ERC2: variants seen among roughly 807,000 people sequenced by gnomAD.
The protein encoded by ERC2 is ERC protein 2.
Under a neutral mutation model 114.8 loss-of-function variants are expected in ERC2, and 42 were observed. The observed-to-expected ratio is 0.37, with a 90% CI of 0.29 to 0.47. ERC2 has a LOEUF of 0.47. Among genes scored for constraint, ERC2 ranks in the 20% least tolerant of loss-of-function variants. The pLI is 0.99. For missense variants in ERC2, 939 were observed against 1,150.7 expected (o/e 0.82, Z 2.66); for synonymous variants, 454 against 425.5 (o/e 1.07, Z -0.82).
chr3:56,133,271 C>G (rs1463411334), intron 6 of ERC2, among the ~76,000 whole-genome samples: 1 of 152,092 alleles, frequency 6.6e-6, no homozygotes, highest in Non-Finnish European at 1.5e-5. Context: ...AACCCTGTCT[C>G]TACTAAAATA....
At chr3:55,702,031 G>A (rs747740798) in intron 15 of ERC2, among the ~76,000 whole-genome samples, 1 of 152,168 alleles carries the variant, frequency 6.6e-6, no homozygotes, top group Non-Finnish European at 1.5e-5. Flanking sequence ...CTTTGGGGAA[G>A]CTCCTGTGAT....
chr3:55,822,650 C>T (rs1461353436), intron 14 of ERC2, among the ~76,000 whole-genome samples: 2 of 149,808 alleles, frequency 1.3e-5, no homozygotes, highest in African/African-American at 2.5e-5. Flanking sequence ...CTGCAAGCTC[C>T]GCCTCCTGGG....
At chr3:56,367,262 G>GC (rs201780924) in intron 2 of ERC2, among the ~76,000 whole-genome samples, 1,741 of 146,320 alleles carry the variant, frequency 0.012, 53 homozygotes, top group African/African-American at 0.042. Flanking sequence ...CCAATGGGCA[G>GC]CATTTTTTTT....
At chr3:55,969,384 TATACAC>T (rs1166544448) in intron 12 of ERC2, among the ~76,000 whole-genome samples, 10 of 122,204 alleles carry the variant, frequency 8.2e-5, no homozygotes, top group South Asian at 6.4e-4. Flanking sequence ...TCAGGAATTT[TATACAC>T]ATACACACAC....
At chr3:56,054,041 T>C (rs979072974) in intron 7 of ERC2, among the ~76,000 whole-genome samples, 17 of 152,126 alleles carry the variant, frequency 1.1e-4, no homozygotes, top group Non-Finnish European at 8.8e-5. Flanking sequence ...TTCCTTCAAG[T>C]TCCCAGTAAG....
intron 12 of ERC2, among the ~76,000 whole-genome samples, chr3:55,962,932 T>C (rs114491722): frequency 0.036 from 5,531 of 152,282 alleles, 167 homozygotes; most frequent in African/African-American, 0.083. Flanking sequence ...GTCTGTTCTG[T>C]AGTTCAGCCA....
rs1486746856 is a variant in ERC2 at position 55,806,240 on chromosome 3, CAGA to C, written c.2565-71325_2565-71323del. ...ATCCCAGCTACTCAGGAGGCTGAAG[CAGA>C]AGAATTGCTTGAACCCAGGAGGCAG... On this transcript the variant is annotated intron_variant, in intron 14 of 17. Coordinates refer to ENST00000288221, the MANE Select transcript of ERC2 (RefSeq NM_015576.3). Among the ~76,000 whole-genome samples, 10 of 150,502 alleles carry C rather than the reference CAGA, an allele frequency of 6.6e-5. No homozygotes were observed. In the South Asian group the frequency reaches 8.4e-4, roughly 13 times the overall value.
intron 2 of ERC2, among the ~76,000 whole-genome samples, chr3:56,341,082 C>T (rs1417310097): frequency 6.6e-6 from 1 of 152,002 alleles, no homozygotes; most frequent in Non-Finnish European, 1.5e-5. Context: ...TTAGATGAGT[C>T]GGTGTAAATC....
chr3:56,172,991 T>C (rs1460895360), intron 4 of ERC2, among the ~76,000 whole-genome samples: 1 of 152,202 alleles, frequency 6.6e-6, no homozygotes, highest in African/African-American at 2.4e-5. Context: ...CCAGAAAGTA[T>C]CATTTTTTGA....
chr3:55,694,938 C>G (rs1017907487), intron 16 of ERC2, among the ~76,000 whole-genome samples: 2 of 152,136 alleles, frequency 1.3e-5, no homozygotes, highest in Non-Finnish European at 2.9e-5. Flanking sequence ...TTCTTATTCA[C>G]CAGGTTAGTC....
chr3:56,278,145 G>C (rs2054125385), intron 3 of ERC2, among the ~76,000 whole-genome samples: 1 of 152,348 alleles, frequency 6.6e-6, no homozygotes, highest in Non-Finnish European at 1.5e-5. Flanking sequence ...TGTTAGTCAT[G>C]ATGATGACAA....
chr3:55,979,016 C>A (rs2149498441), intron 12 of ERC2, among the ~76,000 whole-genome samples: 1 of 152,274 alleles, frequency 6.6e-6, no homozygotes, highest in Middle Eastern at 3.4e-3. Flanking sequence ...GCCAATTACC[C>A]AGTGAGTGTT....
intron 17 of ERC2, among the ~76,000 whole-genome samples, chr3:55,580,936 T>C (rs189384455): frequency 1.3e-5 from 2 of 152,246 alleles, no homozygotes; most frequent in East Asian, 1.9e-4. Flanking sequence ...TGAGGTCTCA[T>C]TGAGCAGATA....
At chr3:55,836,773 G>A (rs2060906433) in intron 14 of ERC2, among the ~76,000 whole-genome samples, 2 of 152,120 alleles carry the variant, frequency 1.3e-5, no homozygotes, top group South Asian at 4.1e-4. Flanking sequence ...TTAAACTAAA[G>A]AGCTTCTGCA....
chr3:56,209,274 CCTCT>C (rs1275713406), intron 3 of ERC2, among the ~76,000 whole-genome samples: 1 of 152,154 alleles, frequency 6.6e-6, no homozygotes, highest in Non-Finnish European at 1.5e-5. Flanking sequence ...GCTCCTCCTC[CCTCT>C]GTCTGGCCTG....
intron 13 of ERC2, among the ~76,000 whole-genome samples, chr3:55,946,519 T>C (rs1010857399): frequency 1.3e-5 from 2 of 152,202 alleles, no homozygotes; most frequent in Non-Finnish European, 2.9e-5. Flanking sequence ...TCAGTCTCTC[T>C]GGGAGAAAAC....
At chr3:55,930,259 A>C (rs142683812) in intron 13 of ERC2, among the ~76,000 whole-genome samples, 1 of 152,070 alleles carries the variant, frequency 6.6e-6, no homozygotes, top group Non-Finnish European at 1.5e-5. Context: ...ATAAATAAAT[A>C]AATAAATAAA....
intron 14 of ERC2, among the ~76,000 whole-genome samples, chr3:55,781,779 G>A (rs1346407998): frequency 6.6e-6 from 1 of 151,606 alleles, no homozygotes; most frequent in Non-Finnish European, 1.5e-5. Context: ...GGCAAAGGCA[G>A]GAGAATCGAT....
rs140279153 is a variant in ERC2 at position 55,783,359 on chromosome 3, G to A, written c.2565-48441C>T. Among the ~76,000 whole-genome samples, 70 of 152,190 alleles carry A rather than the reference G, an allele frequency of 4.6e-4. 2 individuals are homozygous for A. The South Asian group carries it at 8.5e-3, about 19-fold the overall frequency. On this transcript the variant is annotated intron_variant, in intron 14 of 17. Coordinates refer to ENST00000288221, the MANE Select transcript of ERC2 (RefSeq NM_015576.3). Reference sequence around the variant, plus strand: ...AATACTTGTAGTACCAAGATCACAGGGCTAAGGTAAGGTCTAAGGTAAGCA... The same window carrying A: ...AATACTTGTAGTACCAAGATCACAGAGCTAAGGTAAGGTCTAAGGTAAGCA...
Sources: gnomAD v4.1 joint callset for allele counts (sites outside exome capture counted in the v4.1 genomes callset) on GRCh38, gnomAD v4.1.1 for gene constraint, MANE v1.5 for transcripts, NCBI Gene and HGNC (gene_info 2026-07-23, HGNC 2026-07-21) for gene names.